CUL1: variants seen among roughly 807,000 people sequenced by gnomAD.
CUL1 encodes the protein cullin 1.
CUL1 carries 24 observed loss-of-function variants against 118.0 expected under a neutral mutation model. The ratio of observed to expected loss-of-function variants is 0.20; its 90% confidence interval spans 0.15 to 0.29. CUL1 has a LOEUF of 0.29. Ranked by LOEUF, CUL1 falls within the 10% of genes least tolerant of loss-of-function variation. The pLI is 1.00. For missense variants in CUL1, 361 were observed against 933.8 expected, an observed-to-expected ratio of 0.39 and a Z score of 7.99; for synonymous variants, 332 against 340.4, an observed-to-expected ratio of 0.98 and a Z score of 0.27.
rs1801360185 is a variant in CUL1, at chr7:148,800,740, G to A, written c.*158G>A. The A allele has an allele frequency of 4.9e-6, 3 of 612,366 alleles. No individual in the cohort carries two copies. The highest frequency in any genetic ancestry group is 2.0e-5 in the South Asian group (1 of 51,156). The allele number at this position is 612,366 out of a possible 1,614,324, so 37.9% of individuals were successfully genotyped here. A position where few individuals can be genotyped will look rare whatever the true frequency, so the allele number is the denominator to read the frequency against. On this transcript the variant is annotated 3_prime_UTR_variant, in exon 22 of 22. Transcript: ENST00000325222. This position sits in a 1 kb window ranked among gnomAD's most constrained non-coding sequence, Gnocchi z 4.6. ...CATCAGCTGGTCTCGGATTTACATC[G>A]GAACTGCTCAGGATTGATACATTTC...
At chr7:148,742,462 A>T (rs1363671538) in intron 2 of CUL1, among the ~76,000 whole-genome samples, 1 of 152,150 alleles carries the variant, frequency 6.6e-6, no homozygotes, top group African/African-American at 2.4e-5. Context: ...TGGTTTGGTT[A>T]TCTCCACCTG....
At chr7:148,709,675 C>A (rs527978645) in intron 1 of CUL1, among the ~76,000 whole-genome samples, 197 of 152,278 alleles carry the variant, frequency 1.3e-3, no homozygotes, top group Admixed American at 3.6e-3. Context: ...TTGAGACTTT[C>A]CACATGAAAC....
At position 148,701,733 on chromosome 7, in the gene CUL1, T is replaced by A. The variant is rs1278266781; in HGVS notation, c.-162+2704T>A. On this transcript the variant is annotated intron_variant, in intron 1 of 21. Coordinates refer to ENST00000325222, the MANE Select transcript of CUL1 (RefSeq NM_003592.3). The stretch of plus-strand genomic sequence containing the variant: ...GTCATTCCCAGTATACCCAGTGGTG[T>A]CTGTCTTTCAGCATGGAAAATTAAA... Among the ~76,000 whole-genome samples the A allele has an allele frequency of 6.6e-5, 10 of 152,226 alleles. No individual in the cohort carries two copies. In the East Asian group the frequency reaches 1.9e-3, roughly 29 times the overall value.
intron 1 of CUL1, among the ~76,000 whole-genome samples, chr7:148,704,850 A>G (rs898594541): frequency 6.6e-6 from 1 of 152,088 alleles, no homozygotes; most frequent in Non-Finnish European, 1.5e-5. Context: ...TACAGTGCAC[A>G]TATATTTATA....
intron 1 of CUL1, among the ~76,000 whole-genome samples, chr7:148,704,059 A>G (rs1797804323): frequency 6.6e-6 from 1 of 152,250 alleles, no homozygotes; most frequent in African/African-American, 2.4e-5. Context: ...AAACAGAATT[A>G]AAAGGTGACT....
chr7:148,788,421 A>G (rs891203244), intron 13 of CUL1, 136 bp from the exon 14 acceptor site: 9 of 618,366 alleles, frequency 1.5e-5, no homozygotes, highest in Non-Finnish European at 2.0e-5. Flanking sequence ...TGTAAAATAT[A>G]GCAAAATGTT....
intron 2 of CUL1, among the ~76,000 whole-genome samples, chr7:148,732,062 T>C (rs1409576777): frequency 6.6e-6 from 1 of 152,100 alleles, no homozygotes; most frequent in Non-Finnish European, 1.5e-5. Flanking sequence ...CTATGATGGG[T>C]AGGTTGCTTT....
chr7:148,742,327 C>G (rs1799168589), intron 2 of CUL1, among the ~76,000 whole-genome samples: 2 of 152,164 alleles, frequency 1.3e-5, no homozygotes, highest in African/African-American at 4.8e-5. Flanking sequence ...AAAGGAGAAG[C>G]AAAGTCATGT....
chr7:148,791,986 A>C (rs1040403788), intron 16 of CUL1, among the ~76,000 whole-genome samples: 5 of 152,324 alleles, frequency 3.3e-5, no homozygotes, highest in Non-Finnish European at 5.9e-5. Context: ...CAGGAGTTCG[A>C]GACCAGCCTG....
At chr7:148,795,595 T>G (rs2129463586) in intron 17 of CUL1, among the ~76,000 whole-genome samples, 1 of 151,994 alleles carries the variant, frequency 6.6e-6, no homozygotes, top group East Asian at 2.0e-4. Context: ...TGAAACCCAG[T>G]CTCTACTAAA....
At chr7:148,747,245 T>C (rs1563157551) in intron 2 of CUL1, among the ~76,000 whole-genome samples, 1 of 152,210 alleles carries the variant, frequency 6.6e-6, no homozygotes, top group Non-Finnish European at 1.5e-5. Context: ...TGGGAAGCCA[T>C]AGATTGCCAA....
rs201213491 is a variant in CUL1, at chr7:148,790,409, A to C, written c.1774A>C (p.Thr592Pro). 1 of 1,613,934 alleles carries C rather than the reference A, an allele frequency of 6.2e-7. No individual in the cohort carries two copies. The highest frequency in any genetic ancestry group is 8.5e-7 in the Non-Finnish European group (1 of 1,179,888). Residue 592 changes from threonine (T) to proline (P), a missense_variant, in exon 16 of 22, where the codon ACT becomes CCT. Physicochemically the swap from Thr to Pro is conservative, Grantham distance 38. Around this residue, in one of 7 missense-constraint regions of CUL1, gnomAD observed 84 missense variants for 203.3 expected, o/e 0.41. Transcript: ENST00000325222. Reference sequence around the variant, plus strand: ...TCAGTTGTCTAAAGGAGAATTGGTAACTAACTGCTTCAAAAACAGATATAC... The same window carrying C: ...TCAGTTGTCTAAAGGAGAATTGGTACCTAACTGCTTCAAAAACAGATATAC... ...LYQLSKGELV[T>P]NCFKNRYTLQ...
At chr7:148,754,715 T>C (rs1323248954) in intron 3 of CUL1, among the ~76,000 whole-genome samples, 1 of 152,148 alleles carries the variant, frequency 6.6e-6, no homozygotes, top group East Asian at 1.9e-4. Flanking sequence ...GTGATCTTGC[T>C]CTTTACACAT....
chr7:148,766,426 T>G (rs1800009715), intron 7 of CUL1, 135 bp from the exon 8 acceptor site: 3 of 762,832 alleles, frequency 3.9e-6, no homozygotes, highest in Non-Finnish European at 6.0e-6. Context: ...CCTTATTTTC[T>G]TAATCGCATT....
At position 148,755,018 on chromosome 7, in the gene CUL1, G is replaced by A. The variant is rs190487979; in HGVS notation, c.315+868G>A. On this transcript the variant is annotated intron_variant, in intron 3 of 21. Coordinates refer to ENST00000325222, the MANE Select transcript of CUL1 (RefSeq NM_003592.3). ...GTCCTCCACCTCCACCTCCCGAAGTGTTGGGATTACAGGTGTGAGCCACAG... is the reference window on the plus strand; with the variant it reads ...GTCCTCCACCTCCACCTCCCGAAGTATTGGGATTACAGGTGTGAGCCACAG... Among the ~76,000 whole-genome samples the A allele has an allele frequency of 2.7e-3, 405 of 152,292 alleles. 3 individuals carry two copies. Among genetic ancestry groups the A allele is most frequent in the Admixed American group, 4.8e-3 (74 of 15,288 alleles).
intron 3 of CUL1, among the ~76,000 whole-genome samples, chr7:148,755,730 A>G (rs1017928858): frequency 6.6e-6 from 1 of 152,240 alleles, no homozygotes. Context: ...CATCATCCAA[A>G]ATAGCTTAGC....
At chr7:148,744,331 C>G (rs981739318) in intron 2 of CUL1, among the ~76,000 whole-genome samples, 1 of 150,972 alleles carries the variant, frequency 6.6e-6, no homozygotes, top group South Asian at 2.1e-4. Flanking sequence ...TGCTTTCCAC[C>G]CTTCTTTAGG....
chr7:148,722,515 C>T (rs1473817654), intron 1 of CUL1, among the ~76,000 whole-genome samples: 14 of 152,218 alleles, frequency 9.2e-5, no homozygotes, highest in Admixed American at 2.0e-4. Context: ...ATCCTGCAGG[C>T]CTCCAGGCTG....
chr7:148,701,612 T>C (rs1264949960), intron 1 of CUL1, among the ~76,000 whole-genome samples: 1 of 152,190 alleles, frequency 6.6e-6, no homozygotes, highest in Non-Finnish European at 1.5e-5. Flanking sequence ...GGCTCCTCCT[T>C]GTAGATGAGG....
Sources: allele counts gnomAD v4.1 joint callset (sites outside exome capture counted in the v4.1 genomes callset), GRCh38; gene constraint gnomAD v4.1.1; regional missense constraint gnomAD v4.1.1; non-coding constraint Gnocchi (gnomAD v3.1); transcripts MANE v1.5; gene names NCBI Gene and HGNC (gene_info 2026-07-23, HGNC 2026-07-21).